Variants in VPS13D observed in about 807,000 individuals in gnomAD.
VPS13D encodes intermembrane lipid transfer protein VPS13D.
Under a neutral mutation model 461.9 loss-of-function variants are expected in VPS13D, and 187 were observed. The observed-to-expected ratio is 0.40, with a 90% CI of 0.36 to 0.46. VPS13D has a LOEUF of 0.46. Among genes scored for constraint, VPS13D ranks in the 20% least tolerant of loss-of-function variants. The pLI, the probability that VPS13D is intolerant of heterozygous loss-of-function variation, is 0.60. For missense variants in VPS13D, 4,711 were observed against 5,364.9 expected, an observed-to-expected ratio of 0.88 and a Z score of 3.81; for synonymous variants, 1,951 against 1,986.3, an observed-to-expected ratio of 0.98 and a Z score of 0.47.
At chr1:12,434,315 TC>T (rs778893097) in intron 65 of VPS13D, among the ~76,000 whole-genome samples, 2 of 152,102 alleles carry the variant, frequency 1.3e-5, no homozygotes, top group Non-Finnish European at 1.5e-5. Flanking sequence ...TCTAGGTTTC[TC>T]CCTTTTGCTT....
intron 13 of VPS13D, among the ~76,000 whole-genome samples, chr1:12,264,699 C>G (rs1457783512): frequency 2.0e-5 from 3 of 152,196 alleles, no homozygotes; most frequent in African/African-American, 4.8e-5. Context: ...AGGAAAGAAG[C>G]CATCTCCATA....
chr1:12,304,445 C>CA, intron 25 of VPS13D, 61 bp from the exon 26 acceptor site: 1 of 1,466,320 alleles, frequency 6.8e-7, no homozygotes, highest in Non-Finnish European at 9.3e-7. Context: ...GATAGAGTCC[C>CA]ACCACCAGTG....
intron 66 of VPS13D, among the ~76,000 whole-genome samples, chr1:12,456,498 C>T (rs1056280779): frequency 6.6e-5 from 10 of 151,848 alleles, no homozygotes; most frequent in Admixed American, 1.3e-4. Flanking sequence ...ATTAGACAGG[C>T]GTGGTGGTAC....
chr1:12,280,906 T>G (rs1055735129), intron 20 of VPS13D, among the ~76,000 whole-genome samples: 2 of 152,092 alleles, frequency 1.3e-5, no homozygotes, highest in Non-Finnish European at 2.9e-5. Flanking sequence ...ATTTGAATTC[T>G]TTAATAATTG....
chr1:12,231,765 G>C (rs11586544), intron 1 of VPS13D, among the ~76,000 whole-genome samples: 1 of 152,098 alleles, frequency 6.6e-6, no homozygotes, highest in Non-Finnish European at 1.5e-5. Flanking sequence ...AAAGTGGGCA[G>C]ATCGCTTAAG....
Position 12,354,132 on chromosome 1 carries a change from A to T in VPS13D, c.9590A>T (p.Tyr3197Phe). 1 of 1,614,204 alleles carries T rather than the reference A, an allele frequency of 6.2e-7. No homozygotes were observed. ...TTGCTACCCTGTGAACTTGATTTTT[A>T]TGTTAAAGGAATGCCAATTAATGGG... ...CNLLPCELDF[Y>F]VKGMPINGTL... The change falls in exon 47 of 70, where the codon TAT (tyrosine) becomes TTT (phenylalanine). Residue 3197 changes from tyrosine to phenylalanine, a missense_variant. By Grantham distance (22) the Tyr-to-Phe change is conservative (BLOSUM62 3). Transcript: ENST00000620676.
intron 65 of VPS13D, among the ~76,000 whole-genome samples, chr1:12,442,312 T>G (rs1460117071): frequency 6.6e-6 from 1 of 152,200 alleles, no homozygotes; most frequent in Non-Finnish European, 1.5e-5. Context: ...TTTGAATTTA[T>G]TATATATTTT....
Position 12,455,926 on chromosome 1 carries a change from T to A in VPS13D, c.12334-72T>A, listed in dbSNP as rs1157133743. 5 of 1,500,348 alleles carry A rather than the reference T, an allele frequency of 3.3e-6. No homozygotes were observed. The East Asian group carries it at 1.2e-4, about 36-fold the overall frequency. 92.9% of individuals were successfully genotyped at this position (1,500,348 alleles called of 1,614,324 possible). ...TCTAATTGTATTTAATTTAAATTTA[T>A]TTAAAGTAATTCAAATAGTAAAAAT... is the stretch of plus-strand genomic sequence containing the variant. On this transcript the variant is annotated intron_variant, in intron 65 of 69. Coordinates refer to ENST00000620676, the MANE Select transcript of VPS13D (RefSeq NM_015378.4).
intron 46 of VPS13D, among the ~76,000 whole-genome samples, chr1:12,351,217 C>T (rs1459234878): frequency 6.6e-6 from 1 of 152,222 alleles, no homozygotes; most frequent in Non-Finnish European, 1.5e-5. Context: ...AATACCAAAA[C>T]CTGATACAGC....
intron 59 of VPS13D, 152 bp from the exon 60 acceptor site, chr1:12,386,033 T>G (rs914152057): frequency 1.2e-6 from 1 of 815,308 alleles, no homozygotes; most frequent in Non-Finnish European, 1.8e-6. Context: ...ATTTGAGCCC[T>G]CCAGGTAAAT....
Position 12,348,949 on chromosome 1 carries a change from C to G in VPS13D, c.9196C>G (p.Leu3066Val). ...NRLETPMELR[L>V]DSPSAPDKPV... is the part of the protein sequence containing the mutation. ...ACTTGAGACACCAATGGAACTAAGACTGGATAGCCCATCAGCTCCAGACAG... is the reference window on the plus strand; with the variant it reads ...ACTTGAGACACCAATGGAACTAAGAGTGGATAGCCCATCAGCTCCAGACAG... Residue 3066 changes from leucine to valine, a missense_variant, in exon 45 of 70, where the codon CTG (leucine) becomes GTG (valine). Around this residue, in one of 3 missense-constraint regions of VPS13D, gnomAD observed 4,411 missense variants for 4,937.8 expected, o/e 0.89. Coordinates refer to ENST00000620676, the MANE Select transcript of VPS13D (RefSeq NM_015378.4). 3.7e-6 allele frequency: 6 copies of G among 1,614,208 alleles called. No individual in the cohort carries two copies. The highest frequency in any genetic ancestry group is 5.1e-6 in the Non-Finnish European group (6 of 1,180,030).
At chr1:12,250,565 C>CAT (rs149933974) in intron 6 of VPS13D, among the ~76,000 whole-genome samples, 10,788 of 152,264 alleles carry the variant, frequency 0.071, 608 homozygotes, top group Admixed American at 0.14. Flanking sequence ...TATTCCCTAA[C>CAT]GTTACTGAAT....
chr1:12,283,493 A>G lies in VPS13D; in HGVS notation c.5391A>G (p.Pro1797=). Residue 1797 remains proline, a synonymous_variant, in exon 21 of 70, where the codon CCA becomes CCG. Coordinates refer to ENST00000620676, the MANE Select transcript of VPS13D (RefSeq NM_015378.4). The part of the protein sequence containing the change: ...INIFLVDKKH[P]EFSSSYNRVN... ...TATTCTTGGTAGATAAGAAACATCC[A>G]GAATTCTCTTCCAGTTACAATCGAG... 3 of 1,614,280 alleles carry G rather than the reference A, an allele frequency of 1.9e-6. No individual in the cohort carries two copies. The highest frequency in any genetic ancestry group is 1.3e-5 in the African/African-American group (1 of 75,078).
intron 7 of VPS13D, 32 bp from the exon 8 acceptor site, chr1:12,256,301 C>A (rs773296421): frequency 3.1e-6 from 5 of 1,596,946 alleles, no homozygotes; most frequent in Admixed American, 1.7e-5. Context: ...GAAAGCCATT[C>A]GGAGCAGAGC....
At chr1:12,308,345 T>A (rs1437025798) in intron 26 of VPS13D, 86 bp from the exon 27 acceptor site, 16 of 1,400,594 alleles carry the variant, frequency 1.1e-5, no homozygotes, top group Non-Finnish European at 1.3e-5. Flanking sequence ...AAAGACAGAA[T>A]GAGCTTTGCA....
chr1:12,510,525 C>CTGTGTCTGTGTGTG lies in VPS13D; in HGVS notation c.*1506_*1507insCTGTGTGTGTGTGT, dbSNP rs1198628572. On this transcript the variant is annotated 3_prime_UTR_variant, in exon 70 of 70. Transcript: ENST00000620676. ...TCCCACTTCCCCTCTGTGTCTGTGT[C>CTGTGTCTGTGTGTG]TGTGTGTGTGTGTGTGTGTGTGTGT... is the stretch of plus-strand genomic sequence containing the variant. 1 of 146,118 alleles carries CTGTGTCTGTGTGTG rather than the reference C, an allele frequency of 6.8e-6. No homozygotes were observed. The highest frequency in any genetic ancestry group is 6.8e-5 in the Admixed American group (1 of 14,656). 9.1% of individuals were successfully genotyped at this position (146,118 alleles called of 1,614,324 possible). A position where few individuals can be genotyped will look rare whatever the true frequency, so the allele number is the denominator to read the frequency against.
chr1:12,443,672 G>A (rs1302018714), intron 65 of VPS13D, among the ~76,000 whole-genome samples: 1 of 150,520 alleles, frequency 6.6e-6, no homozygotes, highest in African/African-American at 2.5e-5. Context: ...CACAAAACAT[G>A]ATTTTTTTTT....
chr1:12,339,516 ACT>A (rs1439538564), intron 40 of VPS13D, among the ~76,000 whole-genome samples: 1 of 151,936 alleles, frequency 6.6e-6, no homozygotes, highest in Non-Finnish European at 1.5e-5. Flanking sequence ...GTAGCTTTAG[ACT>A]CTCTCTCAGC....
Position 12,502,446 on chromosome 1 carries a change from C to T in VPS13D, c.12795-4407C>T, listed in dbSNP as rs945203651. ...GGAGAAGGAGCATCTCCCCAGTGGA[C>T]GAGCTGAGGTCCCCTGAAGAGGGCC... On this transcript the variant is annotated intron_variant, in intron 68 of 69. Coordinates refer to ENST00000620676, the MANE Select transcript of VPS13D (RefSeq NM_015378.4). This position sits in a 1 kb window ranked among gnomAD's most constrained non-coding sequence, Gnocchi z 4.3. 2.1e-4 allele frequency among the ~76,000 whole-genome samples: 32 copies of T among 152,068 alleles called. No individual in the cohort carries two copies. The highest frequency in any genetic ancestry group is 4.6e-4 in the African/African-American group (19 of 41,472).
Sources: gnomAD v4.1 joint callset for allele counts (sites outside exome capture counted in the v4.1 genomes callset) on GRCh38, gnomAD v4.1.1 for gene constraint, gnomAD v4.1.1 regional missense constraint, Gnocchi (gnomAD v3.1) non-coding constraint, MANE v1.5 for transcripts, NCBI Gene and HGNC (gene_info 2026-07-23, HGNC 2026-07-21) for gene names.